The following HDAC8 variants were observed in gnomAD, a reference collection of about 807,000 sequenced individuals.
The protein encoded by HDAC8 is histone deacetylase 8, also known as histone deacetylase-like 1.
A neutral mutation model predicts 32.2 loss-of-function variants in HDAC8; 1 was observed. The observed-to-expected ratio is 0.03, with a 90% CI of 0.01 to 0.15. The LOEUF (loss-of-function observed/expected upper bound fraction) is 0.15, where lower values mean the gene tolerates loss of function less well. Among genes scored for constraint, HDAC8 ranks in the 10% least tolerant of loss-of-function variants. HDAC8 has a pLI of 1.00. For synonymous variants in HDAC8, 108 were observed against 113.9 expected (o/e 0.95, Z 0.33); for missense variants, 117 against 300.0 (o/e 0.39, Z 4.51).
chrX:72,567,750 G>A (rs2051851065), intron 4 of HDAC8, 139 bp downstream of exon 4: 1 of 1,210,689 alleles, frequency 8.3e-7, no homozygotes, highest in East Asian at 3.0e-5. Flanking sequence ...ATTTCACTTG[G>A]ATTTCTTCAG....
intron 9 of HDAC8, among the ~76,000 whole-genome samples, chrX:72,415,591 T>C (rs1376188081): frequency 1.8e-5 from 2 of 111,840 alleles, no homozygotes; most frequent in African/African-American, 6.5e-5. Context: ...TTAGATCTTA[T>C]TTGATTTCTT....
chrX:72,463,936 T>C (rs1407229805), intron 8 of HDAC8, among the ~76,000 whole-genome samples: 1 of 112,061 alleles, frequency 8.9e-6, no homozygotes, highest in Non-Finnish European at 1.9e-5. Flanking sequence ...GTGGTAGATG[T>C]TGTGACAAGT....
At chrX:72,538,705 T>A (rs1277002972) in intron 4 of HDAC8, among the ~76,000 whole-genome samples, 1 of 111,571 alleles carries the variant, frequency 9.0e-6, no homozygotes, top group Non-Finnish European at 1.9e-5. Flanking sequence ...CTATACTGTA[T>A]TAGAAAATTC....
chrX:72,519,359 A>G lies in HDAC8; in HGVS notation c.438-24091T>C, dbSNP rs73218361. On this transcript the variant is annotated intron_variant, in intron 4 of 10. Transcript: ENST00000373573. ...GGGATATATGATAAATTTATGTTTA[A>G]CTTCTTAAGAAACTGTCAGATTGTT... Among the ~76,000 whole-genome samples the G allele has an allele frequency of 9.0e-3, 1,003 of 111,807 alleles. 9 individuals are homozygous for G. The highest frequency in any genetic ancestry group is 0.016 in the Non-Finnish European group (862 of 53,095).
At chrX:72,367,610 G>A (rs1313744431) in intron 9 of HDAC8, among the ~76,000 whole-genome samples, 1 of 112,403 alleles carries the variant, frequency 8.9e-6, no homozygotes, top group African/African-American at 3.2e-5. Flanking sequence ...GATTAGCAAA[G>A]GCATACTTAG....
At chrX:72,391,169 G>T (rs781819502) in intron 9 of HDAC8, among the ~76,000 whole-genome samples, 5 of 111,978 alleles carry the variant, frequency 4.5e-5, no homozygotes, top group Non-Finnish European at 9.4e-5. Flanking sequence ...CATTCAAATG[G>T]CACTTATCTG....
At chrX:72,499,422 TACC>T (rs1246231063) in intron 4 of HDAC8, among the ~76,000 whole-genome samples, 1 of 111,225 alleles carries the variant, frequency 9.0e-6, no homozygotes, top group African/African-American at 3.3e-5. Context: ...ACTGAAATCA[TACC>T]ACCAAATACA....
chrX:72,388,572 G>C (rs1304087886), intron 9 of HDAC8, among the ~76,000 whole-genome samples: 2 of 100,704 alleles, frequency 2.0e-5, no homozygotes, highest in Non-Finnish European at 3.9e-5. Context: ...GTAATCCTTT[G>C]TCTATACAAA....
chrX:72,514,597 G>C lies in HDAC8; in HGVS notation c.438-19329C>G, dbSNP rs185986252. 9.8e-5 allele frequency among the ~76,000 whole-genome samples: 11 copies of C among 112,181 alleles called. No individual in the cohort carries two copies. In the East Asian group the frequency reaches 2.0e-3, roughly 20 times the overall value. On this transcript the variant is annotated intron_variant, in intron 4 of 10. Transcript: ENST00000373573. ...TCTGGTTAAAGTAGGGGCTGGTAAA[G>C]TGAGTAGAGAGTGGGCATTTGGAGG...
intron 4 of HDAC8, among the ~76,000 whole-genome samples, chrX:72,541,021 T>C (rs979144837): frequency 1.8e-5 from 2 of 111,309 alleles, no homozygotes; most frequent in Admixed American, 9.6e-5. Flanking sequence ...AAACTTCCCT[T>C]CCCCATGAAG....
intron 4 of HDAC8, among the ~76,000 whole-genome samples, chrX:72,547,507 A>T (rs2050900115): frequency 9.1e-6 from 1 of 109,606 alleles, no homozygotes; most frequent in African/African-American, 3.3e-5. Flanking sequence ...CAACACATCT[A>T]TCTCCAGTTC....
chrX:72,357,504 G>A (rs957774321), intron 9 of HDAC8, among the ~76,000 whole-genome samples: 3 of 111,024 alleles, frequency 2.7e-5, no homozygotes, highest in African/African-American at 9.8e-5. Flanking sequence ...AGTGGAAACA[G>A]TTCTGGCGAC....
intron 10 of HDAC8, among the ~76,000 whole-genome samples, chrX:72,343,153 A>G (rs1233829967): frequency 9.1e-6 from 1 of 109,403 alleles, no homozygotes; most frequent in Non-Finnish European, 1.9e-5. Flanking sequence ...TTGTCTCTTC[A>G]TCTAGAATGT....
intron 4 of HDAC8, chrX:72,567,616 A>C: frequency 1.7e-6 from 1 of 601,952 alleles, no homozygotes; most frequent in Admixed American, 3.3e-5. Context: ...TTGATGAAGA[A>C]ACTGAGGCCT....
intron 4 of HDAC8, among the ~76,000 whole-genome samples, chrX:72,537,732 C>T (rs1194909567): frequency 5.4e-5 from 6 of 112,138 alleles, no homozygotes; most frequent in Non-Finnish European, 1.1e-4. Context: ...TTTATTATTA[C>T]TGTTATATTA....
intron 7 of HDAC8, among the ~76,000 whole-genome samples, chrX:72,468,480 T>C (rs1169779355): frequency 5.4e-5 from 6 of 112,106 alleles, no homozygotes; most frequent in Non-Finnish European, 1.1e-4. Context: ...TTTTTCCTAT[T>C]GCCACTTCCA....
At chrX:72,504,805 C>T (rs1556018171) in intron 4 of HDAC8, among the ~76,000 whole-genome samples, 1 of 111,953 alleles carries the variant, frequency 8.9e-6, no homozygotes, top group Non-Finnish European at 1.9e-5. Context: ...CACCATTTTA[C>T]TTTCTCGCCA....
At chrX:72,571,613 C>A (rs782012977) in intron 2 of HDAC8, among the ~76,000 whole-genome samples, 4 of 79,757 alleles carry the variant, frequency 5.0e-5, no homozygotes, top group Middle Eastern at 0.018. Context: ...GTTGCCCAGG[C>A]TGCAGTGCAA....
intron 9 of HDAC8, among the ~76,000 whole-genome samples, chrX:72,461,096 C>T (rs181874658): frequency 1.6e-4 from 18 of 112,090 alleles, no homozygotes; most frequent in Non-Finnish European, 3.0e-4. Context: ...CATCATGCTC[C>T]CAAGTGTACA....
Sources: gnomAD v4.1 joint callset for allele counts (sites outside exome capture counted in the v4.1 genomes callset) on GRCh38, gnomAD v4.1.1 for gene constraint, MANE v1.5 for transcripts, NCBI Gene and HGNC (gene_info 2026-07-23, HGNC 2026-07-21) for gene names.